The following MTNR1A variants were observed in gnomAD, a reference collection of about 807,000 sequenced individuals.
The protein encoded by MTNR1A is melatonin receptor type 1A.
Under a neutral mutation model 5.5 loss-of-function variants are expected in MTNR1A, and 7 were observed. The ratio of observed to expected loss-of-function variants is 1.28; its 90% CI spans 0.73 to 2.40. The LOEUF (loss-of-function observed/expected upper bound fraction) is 2.40, where lower values mean the gene tolerates loss of function less well. MTNR1A is among the 30% of genes most tolerant of loss of function. The pLI is 0.00. For synonymous variants in MTNR1A, 196 were observed against 202.7 expected, an observed-to-expected ratio of 0.97 and a Z score of 0.28; for missense variants, 441 against 464.4, an observed-to-expected ratio of 0.95 and a Z score of 0.46.
intron 1 of MTNR1A, among the ~76,000 whole-genome samples, chr4:186,535,672 A>G (rs776863036): frequency 9.2e-5 from 14 of 152,166 alleles, no homozygotes; most frequent in African/African-American, 1.4e-4. Flanking sequence ...CGGCCTCCCA[A>G]AGTGCTGGGA....
intron 1 of MTNR1A, among the ~76,000 whole-genome samples, chr4:186,537,872 G>A (rs925307195): frequency 6.6e-6 from 1 of 152,208 alleles, no homozygotes; most frequent in African/African-American, 2.4e-5. Context: ...GAGAAGATGG[G>A]GGAGGAAAAC....
intron 1 of MTNR1A, among the ~76,000 whole-genome samples, chr4:186,538,430 C>G (rs551461807): frequency 3.3e-5 from 5 of 152,218 alleles, no homozygotes; most frequent in African/African-American, 1.2e-4. Context: ...AAGTGCCAGA[C>G]GCCACCACAA....
intron 1 of MTNR1A, among the ~76,000 whole-genome samples, chr4:186,549,158 G>A (rs1489410003): frequency 6.6e-6 from 1 of 151,844 alleles, no homozygotes; most frequent in African/African-American, 2.4e-5. Context: ...CATCCAGCAA[G>A]CATTTAAATA....
intron 1 of MTNR1A, among the ~76,000 whole-genome samples, chr4:186,536,522 TC>T (rs1463966660): frequency 6.6e-6 from 1 of 152,048 alleles, no homozygotes; most frequent in Non-Finnish European, 1.5e-5. Context: ...AGGCCAGGCT[TC>T]CCTGCGTCTC....
At chr4:186,554,216 T>C (rs919217229) in intron 1 of MTNR1A, among the ~76,000 whole-genome samples, 2 of 119,504 alleles carry the variant, frequency 1.7e-5, no homozygotes, top group African/African-American at 6.3e-5. Flanking sequence ...CTACAAACCG[T>C]AAAAGCACTA....
At chr4:186,537,961 A>G (rs1333182316) in intron 1 of MTNR1A, among the ~76,000 whole-genome samples, 1 of 152,264 alleles carries the variant, frequency 6.6e-6, no homozygotes, top group Admixed American at 6.5e-5. Flanking sequence ...TAAAATGCAC[A>G]GTCAATATTT....
At chr4:186,542,201 GC>G (rs1299970963) in intron 1 of MTNR1A, among the ~76,000 whole-genome samples, 3 of 152,192 alleles carry the variant, frequency 2.0e-5, no homozygotes, top group African/African-American at 4.8e-5. Flanking sequence ...GGGAAAATCA[GC>G]CAGACGCTGC....
intron 1 of MTNR1A, among the ~76,000 whole-genome samples, chr4:186,536,572 C>T (rs1021091392): frequency 5.9e-5 from 9 of 152,072 alleles, no homozygotes; most frequent in Admixed American, 2.0e-4. Context: ...CTCATATTTG[C>T]GTCCTAGACC....
In MTNR1A at chr4:186,545,402, C is replaced by G. The variant is rs1250135164; in HGVS notation, c.184+9780G>C. On this transcript the variant is annotated intron_variant, in intron 1 of 1. Coordinates refer to ENST00000307161, the MANE Select transcript of MTNR1A (RefSeq NM_005958.4). ...CATGAAAACACACACATTCGCACAG[C>G]CGTCTGTCTCCCTCTGAGACTCAGG... Among the ~76,000 whole-genome samples the G allele has an allele frequency of 2.0e-5, 3 of 152,178 alleles. No homozygotes were observed. The South Asian group carries it at 6.2e-4, about 32-fold the overall frequency.
chr4:186,554,425 T>G (rs1455422927), intron 1 of MTNR1A, among the ~76,000 whole-genome samples: 1 of 152,168 alleles, frequency 6.6e-6, no homozygotes, highest in Non-Finnish European at 1.5e-5. Flanking sequence ...ACCAAGCATC[T>G]AATCATCACT....
In MTNR1A at chr4:186,534,444, A is replaced by C. The variant is rs1560892220; in HGVS notation, c.298T>G (p.Cys100Gly). The C allele has an allele frequency of 6.2e-7, 1 of 1,614,200 alleles. No homozygotes were observed. The highest frequency in any genetic ancestry group is 2.2e-5 in the East Asian group (1 of 44,880). ...CCCATCAGGAACCCACTGACTTGGC[A>C]GTGCAGATAGCCCAGGTTCCACCCG... ...NNGWNLGYLH[C>G]QVSGFLMGLS... is the part of the protein sequence containing the mutation. The change falls in exon 2 of 2, where the codon TGC (cysteine) becomes GGC (glycine). Residue 100 changes from cysteine (C) to glycine (G), a missense_variant. Cys to Gly is a radical substitution (Grantham distance 159). Transcript: ENST00000307161.
Position 186,534,264 on chromosome 4 carries a change from G to A in MTNR1A, c.478C>T (p.Leu160=), listed in dbSNP as rs768322406. 6 of 1,614,180 alleles carry A rather than the reference G, an allele frequency of 3.7e-6. No individual in the cohort carries two copies. In the East Asian group the frequency reaches 1.1e-4, roughly 30 times the overall value. The change falls in exon 2 of 2, where the codon CTG becomes TTG. Residue 160 remains leucine (L), a synonymous_variant. Coordinates refer to ENST00000307161, the MANE Select transcript of MTNR1A (RefSeq NM_005958.4). ...LIWLLTLAAV[L]PNLRAGTLQY... is the part of the protein sequence containing the mutation. ...AGAGTCCCTGCACGGAGGTTGGGCA[G>A]GACGGCCGCCAGCGTCAGGAGCCAT...
At chr4:186,547,983 G>C (rs530538193) in intron 1 of MTNR1A, among the ~76,000 whole-genome samples, 116 of 152,246 alleles carry the variant, frequency 7.6e-4, no homozygotes, top group Middle Eastern at 3.4e-3. Context: ...CAGCCTGACT[G>C]GTTCAGCCTT....
In MTNR1A at chr4:186,538,957, C is replaced by T. The variant is rs536645061; in HGVS notation, c.185-4400G>A. ...CACCTGGGCTGGGTGTGGCAGCTCA[C>T]GCCTGTAATCCCAGCACTTTGGGAG... On this transcript the variant is annotated intron_variant, in intron 1 of 1. Coordinates refer to ENST00000307161, the MANE Select transcript of MTNR1A (RefSeq NM_005958.4). 1.1e-3 allele frequency among the ~76,000 whole-genome samples: 165 copies of T among 152,240 alleles called. 3 individuals carry two copies. In the South Asian group the frequency reaches 0.03, roughly 28 times the overall value.
intron 1 of MTNR1A, among the ~76,000 whole-genome samples, chr4:186,551,290 C>T (rs1011182266): frequency 6.6e-6 from 1 of 152,002 alleles, no homozygotes; most frequent in Non-Finnish European, 1.5e-5. Context: ...ATGGTTGTTA[C>T]AAAAGGGAAA....
chr4:186,537,342 A>G (rs1386122499), intron 1 of MTNR1A, among the ~76,000 whole-genome samples: 1 of 152,180 alleles, frequency 6.6e-6, no homozygotes, highest in Non-Finnish European at 1.5e-5. Context: ...TCATTAAATC[A>G]TCTAATTATA....
Position 186,552,954 on chromosome 4 carries a change from G to A in MTNR1A, c.184+2228C>T, listed in dbSNP as rs184131463. On this transcript the variant is annotated intron_variant, in intron 1 of 1. Transcript: ENST00000307161. ...TCGGCTGTGGCTGTCCACTGTCCCCGCCATGCAGATTGTTAGCCATTTTTA... is the reference window on the plus strand; with the variant it reads ...TCGGCTGTGGCTGTCCACTGTCCCCACCATGCAGATTGTTAGCCATTTTTA... 7.4e-4 allele frequency among the ~76,000 whole-genome samples: 113 copies of A among 152,282 alleles called. 2 individuals carry two copies. Among genetic ancestry groups the A allele is most frequent in the Non-Finnish European group, 5.6e-4 (38 of 68,028 alleles).
Position 186,555,477 on chromosome 4 carries a change from T to G in MTNR1A, c.-112A>C. On this transcript the variant is annotated 5_prime_UTR_variant, in exon 1 of 2. Coordinates refer to ENST00000307161, the MANE Select transcript of MTNR1A (RefSeq NM_005958.4). This position sits in a 1 kb window ranked among gnomAD's most constrained non-coding sequence, Gnocchi z 4.1. ...CGCGCCCACGCCCCATCCCGCGCGC[T>G]CCTCCACGCCGCGCCCCCGGACGCC... is the stretch of plus-strand genomic sequence containing the variant. 203 of 822,288 alleles carry G rather than the reference T, an allele frequency of 2.5e-4. No homozygotes were observed. The highest frequency in any genetic ancestry group is 4.6e-4 in the Middle Eastern group (1 of 2,192). 50.9% of individuals were successfully genotyped at this position (822,288 alleles called of 1,614,324 possible). A position where few individuals can be genotyped will look rare whatever the true frequency, so the allele number is the denominator to read the frequency against.
rs1226540964 is a variant in MTNR1A, at chr4:186,555,412, G to T, written c.-47C>A. ...CGCGGGGCCATCGCCCGCCTCGTCC[G>T]CCCGCCCGACCACTTGTTAAGGCTC... On this transcript the variant is annotated 5_prime_UTR_variant, in exon 1 of 2. Transcript: ENST00000307161. This position sits in a 1 kb window ranked among gnomAD's most constrained non-coding sequence, Gnocchi z 4.1. The T allele has an allele frequency of 7.5e-7, 1 of 1,337,738 alleles. No homozygotes were observed. Among genetic ancestry groups the T allele is most frequent in the South Asian group, 2.0e-5 (1 of 49,668 alleles). 82.9% of individuals were successfully genotyped at this position (1,337,738 alleles called of 1,614,324 possible).
Sources: allele counts gnomAD v4.1 joint callset (sites outside exome capture counted in the v4.1 genomes callset), GRCh38; gene constraint gnomAD v4.1.1; non-coding constraint Gnocchi (gnomAD v3.1); transcripts MANE v1.5; gene names NCBI Gene and HGNC (gene_info 2026-07-23, HGNC 2026-07-21).